Variants in XYLT1 observed in about 807,000 individuals in gnomAD.
XYLT1 encodes the protein beta-D-xylosyltransferase 1.
A neutral mutation model predicts 91.3 loss-of-function variants in XYLT1; 36 were observed. That is an observed-to-expected ratio of 0.39 (90% CI 0.30 to 0.52). The LOEUF is 0.52. Ranked by LOEUF, XYLT1 falls within the 20% of genes least tolerant of loss-of-function variation. The probability of loss-of-function intolerance (pLI) is 0.68; values close to 1 mark genes in which losing one functional copy is unlikely to be tolerated. For synonymous variants in XYLT1, 588 were observed against 532.0 expected (o/e 1.11, Z -1.45); for missense variants, 1,242 against 1,284.5 (o/e 0.97, Z 0.51).
At chr16:17,368,193 GGCTACA>G (rs1446630891) in intron 1 of XYLT1, among the ~76,000 whole-genome samples, 2 of 152,154 alleles carry the variant, frequency 1.3e-5, no homozygotes, top group African/African-American at 2.4e-5. Flanking sequence ...TGCAGTCCCA[GGCTACA>G]GCTCGGGATG....
intron 5 of XYLT1, among the ~76,000 whole-genome samples, chr16:17,188,120 C>T (rs1479369356): frequency 6.6e-6 from 1 of 151,962 alleles, no homozygotes; most frequent in Non-Finnish European, 1.5e-5. Context: ...TGGCTTCCTT[C>T]TAGGACACCT....
At chr16:17,381,499 G>T (rs1417214588) in intron 1 of XYLT1, among the ~76,000 whole-genome samples, 8 of 144,538 alleles carry the variant, frequency 5.5e-5, no homozygotes, top group Non-Finnish European at 1.2e-4. Context: ...GCATGATCTC[G>T]GCTCACTGCA....
At chr16:17,281,609 C>A (rs2034059889) in intron 2 of XYLT1, among the ~76,000 whole-genome samples, 1 of 152,158 alleles carries the variant, frequency 6.6e-6, no homozygotes, top group Non-Finnish European at 1.5e-5. Flanking sequence ...GGCTCTGAAC[C>A]CAGAGAGTCC....
intron 2 of XYLT1, among the ~76,000 whole-genome samples, chr16:17,306,533 T>C (rs1379749136): frequency 6.7e-6 from 1 of 149,784 alleles, no homozygotes; most frequent in Non-Finnish European, 1.5e-5. Context: ...CCAGCCTGGG[T>C]GACAGAGTGA....
At chr16:17,160,187 G>A (rs1461662760) in intron 5 of XYLT1, among the ~76,000 whole-genome samples, 1 of 152,210 alleles carries the variant, frequency 6.6e-6, no homozygotes, top group Non-Finnish European at 1.5e-5. Context: ...CTGAATGGCA[G>A]CTTTCTCTGA....
At chr16:17,167,974 G>T (rs990983679) in intron 5 of XYLT1, among the ~76,000 whole-genome samples, 5 of 152,210 alleles carry the variant, frequency 3.3e-5, no homozygotes, top group Admixed American at 2.6e-4. Flanking sequence ...GTTTATGCAA[G>T]GACCTTACTG....
At chr16:17,372,894 T>C (rs1390614921) in intron 1 of XYLT1, among the ~76,000 whole-genome samples, 1 of 152,174 alleles carries the variant, frequency 6.6e-6, no homozygotes, top group Admixed American at 6.5e-5. Flanking sequence ...CAATGTCTGA[T>C]CATAATAAAT....
At chr16:17,175,671 C>T (rs189812945) in intron 5 of XYLT1, among the ~76,000 whole-genome samples, 11 of 152,298 alleles carry the variant, frequency 7.2e-5, no homozygotes, top group Non-Finnish European at 1.6e-4. Flanking sequence ...TGCTCCATGA[C>T]ATCAAGTGAC....
chr16:17,361,730 A>C (rs77436594), intron 1 of XYLT1, among the ~76,000 whole-genome samples: 8,963 of 152,250 alleles, frequency 0.059, 292 homozygotes, highest in African/African-American at 0.11. Flanking sequence ...TTAGATACCA[A>C]CACAACATGA....
intron 3 of XYLT1, among the ~76,000 whole-genome samples, chr16:17,253,803 C>T (rs890416827): frequency 4.7e-5 from 7 of 147,878 alleles, no homozygotes; most frequent in African/African-American, 1.8e-4. Flanking sequence ...TAATGCCCTG[C>T]CTTCTTCTCC....
At chr16:17,176,907 G>A (rs1026910874) in intron 5 of XYLT1, among the ~76,000 whole-genome samples, 15 of 151,196 alleles carry the variant, frequency 9.9e-5, no homozygotes, top group African/African-American at 3.4e-4. Context: ...TCTCATCATG[G>A]CATTTTCTAA....
rs1013449416 is a variant in XYLT1 at position 17,325,600 on chromosome 16, GA to G, written c.402+32411del. Among the ~76,000 whole-genome samples the G allele has an allele frequency of 2.0e-5, 3 of 151,972 alleles. No individual in the cohort carries two copies. In the East Asian group the frequency reaches 5.8e-4, roughly 29 times the overall value. On this transcript the variant is annotated intron_variant, in intron 2 of 11. Coordinates refer to ENST00000261381, the MANE Select transcript of XYLT1 (RefSeq NM_022166.4). Reference sequence around the variant, plus strand: ...TACACATACACGGAAAAGAAGACTGGAAAAAAACATACAAAAAGCTGGCATG... The same window carrying G: ...TACACATACACGGAAAAGAAGACTGGAAAAAACATACAAAAAGCTGGCATG...
At chr16:17,181,294 G>C (rs1027508264) in intron 5 of XYLT1, among the ~76,000 whole-genome samples, 4 of 152,186 alleles carry the variant, frequency 2.6e-5, no homozygotes, top group African/African-American at 9.6e-5. Flanking sequence ...CTTCCTCAAA[G>C]GCAGGTGCCC....
chr16:17,221,522 T>C (rs1288107540), intron 3 of XYLT1, among the ~76,000 whole-genome samples: 1 of 152,220 alleles, frequency 6.6e-6, no homozygotes, highest in Non-Finnish European at 1.5e-5. Flanking sequence ...AGCTGGGATC[T>C]GAACCCAGAC....
chr16:17,431,950 G>A (rs760461477), intron 1 of XYLT1, among the ~76,000 whole-genome samples: 17 of 152,304 alleles, frequency 1.1e-4, no homozygotes, highest in Admixed American at 2.0e-4. Context: ...ATGTGAAACC[G>A]GTGTGGAGGC....
chr16:17,141,346 T>G lies in XYLT1; in HGVS notation c.1394A>C (p.Asp465Ala). ...NARFIRKQGL[D>A]RLFLECDAHM... ...AGCGTCGCACTCCAGGAAGAGCCGA[T>G]CCAGGCCCTGCTTCCGAATGAACCT... is the stretch of plus-strand genomic sequence containing the variant. Residue 465 changes from aspartate to alanine, a missense_variant, in exon 7 of 12, where the codon GAT (aspartate) becomes GCT (alanine). Around this residue, in one of 3 missense-constraint regions of XYLT1, gnomAD observed 294 missense variants for 376.0 expected, o/e 0.78. Transcript: ENST00000261381. The G allele has an allele frequency of 6.2e-7, 1 of 1,614,108 alleles. No individual in the cohort carries two copies. The highest frequency in any genetic ancestry group is 8.5e-7 in the Non-Finnish European group (1 of 1,179,994).
At chr16:17,369,409 G>A (rs1349747082) in intron 1 of XYLT1, among the ~76,000 whole-genome samples, 1 of 152,032 alleles carries the variant, frequency 6.6e-6, no homozygotes, top group Admixed American at 6.5e-5. Flanking sequence ...TGACCCACTG[G>A]GTAGGCAGGT....
At chr16:17,172,845 G>A (rs1439651634) in intron 5 of XYLT1, among the ~76,000 whole-genome samples, 1 of 151,990 alleles carries the variant, frequency 6.6e-6, no homozygotes, top group East Asian at 1.9e-4. Flanking sequence ...GAGTTGTATG[G>A]GCCCATTTCA....
At position 17,340,993 on chromosome 16, in the gene XYLT1, A is replaced by G. The variant is rs578100992; in HGVS notation, c.402+17019T>C. Reference sequence around the variant, plus strand: ...TTTACTCATTGGTTTGTCGAAGATTATAAAGATGGACAATCACCAGTGCCT... The same window carrying G: ...TTTACTCATTGGTTTGTCGAAGATTGTAAAGATGGACAATCACCAGTGCCT... On this transcript the variant is annotated intron_variant, in intron 2 of 11. Coordinates refer to ENST00000261381, the MANE Select transcript of XYLT1 (RefSeq NM_022166.4). Among the ~76,000 whole-genome samples, 148 of 152,380 alleles carry G rather than the reference A, an allele frequency of 9.7e-4. 1 individual carries two copies. The highest frequency in any genetic ancestry group is 3.2e-3 in the African/African-American group (133 of 41,594).
Sources: allele counts gnomAD v4.1 joint callset (sites outside exome capture counted in the v4.1 genomes callset), GRCh38; gene constraint gnomAD v4.1.1; regional missense constraint gnomAD v4.1.1; transcripts MANE v1.5; gene names NCBI Gene and HGNC (gene_info 2026-07-23, HGNC 2026-07-21).